KIAA0753: variants seen among roughly 807,000 people sequenced by gnomAD.
The protein encoded by KIAA0753 is protein moonraker.
A neutral mutation model predicts 116.9 loss-of-function variants in KIAA0753; 114 were observed. That is an observed-to-expected ratio of 0.98 (90% confidence interval 0.84 to 1.14). KIAA0753 has a LOEUF of 1.14. Among genes scored for constraint, KIAA0753 ranks in the 50% most tolerant of loss-of-function variants. KIAA0753 has a pLI of 0.00. For synonymous variants in KIAA0753, 405 were observed against 413.1 expected (o/e 0.98, Z 0.24); for missense variants, 1,156 against 1,172.4 (o/e 0.99, Z 0.20).
intron 14 of KIAA0753, 72 bp from the exon 15 acceptor site, chr17:6,596,415 CAG>C: frequency 8.4e-7 from 1 of 1,183,458 alleles, no homozygotes; most frequent in Non-Finnish European, 1.2e-6. Context: ...ATAATGAAAA[CAG>C]AAAAACATAA....
intron 7 of KIAA0753, among the ~76,000 whole-genome samples, chr17:6,615,614 C>CAAAAAAAAAAA (rs60310389): frequency 1.7e-5 from 1 of 58,764 alleles, no homozygotes; most frequent in Admixed American, 2.5e-4. Flanking sequence ...GACTCCGTCT[C>CAAAAAAAAAAA]AAAAAAAAAA....
intron 12 of KIAA0753, among the ~76,000 whole-genome samples, chr17:6,606,622 C>T (rs1970210252): frequency 6.6e-6 from 1 of 152,218 alleles, no homozygotes; most frequent in East Asian, 1.9e-4. Context: ...CAAACAAATA[C>T]ACATAAGACT....
rs572249585 is a variant in KIAA0753, at chr17:6,628,691, C to A, written c.144G>T (p.Ala48=). 1.2e-6 allele frequency: 2 copies of A among 1,613,304 alleles called. No individual in the cohort carries two copies. Among genetic ancestry groups the A allele is most frequent in the South Asian group, 2.2e-5 (2 of 90,820 alleles). Residue 48 remains alanine (A), a synonymous_variant, in exon 3 of 19, where the codon GCG becomes GCT. Transcript: ENST00000361413. The stretch of plus-strand genomic sequence containing the variant: ...TGGCATGTGGGCAAGAATATCGGAT[C>A]GCCAAGTTGCTTGAATGTGTAGGAA... ...RNVPTHSSNL[A]IRYSCPHAIR...
chr17:6,603,289 T>C (rs1969991864), intron 12 of KIAA0753, among the ~76,000 whole-genome samples: 1 of 151,608 alleles, frequency 6.6e-6, no homozygotes, highest in African/African-American at 2.4e-5. Context: ...AAGTACAAAA[T>C]AAAGCACGAA....
chr17:6,613,983 A>G (rs149374701), intron 7 of KIAA0753, among the ~76,000 whole-genome samples: 4 of 152,362 alleles, frequency 2.6e-5, no homozygotes, highest in Admixed American at 2.6e-4. Context: ...CAGACTATAT[A>G]AAGAACTTCT....
Position 6,595,158 on chromosome 17 carries a change from C to T in KIAA0753, c.2359-105G>A, listed in dbSNP as rs78737733. ...GTTCAGCAGACACAACTGATACGGA[C>T]GTACTGCCAGACATGGGCACCTGTC... On this transcript the variant is annotated intron_variant, in intron 15 of 18. Transcript: ENST00000361413. The T allele has an allele frequency of 7.3e-3, 5,345 of 733,216 alleles. 181 individuals are homozygous for T. In the African/African-American group the frequency reaches 0.074, roughly 10 times the overall value. 45.4% of individuals were successfully genotyped at this position (733,216 alleles called of 1,614,324 possible).
chr17:6,584,429 A>G (rs1820622131), intron 18 of KIAA0753, among the ~76,000 whole-genome samples: 1 of 152,166 alleles, frequency 6.6e-6, no homozygotes, highest in Admixed American at 6.5e-5. Flanking sequence ...AGCAGAAGTG[A>G]TTGCCTCGTT....
intron 6 of KIAA0753, among the ~76,000 whole-genome samples, chr17:6,622,439 C>A (rs1263028452): frequency 6.6e-6 from 1 of 152,224 alleles, no homozygotes; most frequent in Non-Finnish European, 1.5e-5. Context: ...TTCTAGACGT[C>A]TCTAGCTATA....
intron 17 of KIAA0753, 26 bp from the exon 18 acceptor site, chr17:6,590,029 G>T: frequency 6.8e-7 from 1 of 1,481,238 alleles, no homozygotes; most frequent in Non-Finnish European, 9.1e-7. Context: ...AATGATGAAA[G>T]CATTCAAGAT....
intron 16 of KIAA0753, among the ~76,000 whole-genome samples, chr17:6,591,817 G>A (rs562765171): frequency 2.6e-5 from 4 of 152,352 alleles, no homozygotes; most frequent in East Asian, 1.9e-4. Flanking sequence ...ATGCTAAAAT[G>A]CCCAAGGGCT....
chr17:6,605,913 C>CTTCTCCCAGAAGTA (rs1970167928), intron 12 of KIAA0753, among the ~76,000 whole-genome samples: 1 of 152,132 alleles, frequency 6.6e-6, no homozygotes, highest in African/African-American at 2.4e-5. Context: ...ATAAACGGGA[C>CTTCTCCCAGAAGTA]ACAGAGGATG....
intron 18 of KIAA0753, among the ~76,000 whole-genome samples, chr17:6,581,922 C>T (rs1035240993): frequency 6.6e-6 from 1 of 152,184 alleles, no homozygotes; most frequent in African/African-American, 2.4e-5. Flanking sequence ...AGCCATTCTT[C>T]CAAGAAGCCC....
chr17:6,580,372 T>C (rs1310410175), intron 18 of KIAA0753, among the ~76,000 whole-genome samples: 1 of 150,014 alleles, frequency 6.7e-6, no homozygotes, highest in Admixed American at 6.6e-5. Context: ...TGGAGTGCAG[T>C]GGCACCATCT....
At chr17:6,580,115 G>C (rs1968035907) in intron 18 of KIAA0753, among the ~76,000 whole-genome samples, 1 of 151,772 alleles carries the variant, frequency 6.6e-6, no homozygotes, top group African/African-American at 2.4e-5. Flanking sequence ...GAACCTGGGA[G>C]GTGGAGATTG....
chr17:6,597,231 T>C (rs1050212953), intron 14 of KIAA0753, among the ~76,000 whole-genome samples: 12 of 152,166 alleles, frequency 7.9e-5, no homozygotes, highest in Non-Finnish European at 2.9e-5. Context: ...AAACCTTTAA[T>C]GATTCACAGA....
intron 13 of KIAA0753, 119 bp from the exon 14 acceptor site, chr17:6,599,439 G>C: frequency 1.5e-6 from 1 of 689,506 alleles, no homozygotes; most frequent in Non-Finnish European, 2.5e-6. Flanking sequence ...AGCTACATTA[G>C]GCTTTTTGCA....
chr17:6,600,432 T>C lies in KIAA0753; in HGVS notation c.2036A>G (p.Lys679Arg). The C allele has an allele frequency of 6.2e-7, 1 of 1,613,828 alleles. No individual in the cohort carries two copies. Among genetic ancestry groups the C allele is most frequent in the South Asian group, 1.1e-5 (1 of 91,078 alleles). ...LSVSATHLAD[K>R]VEEAVLDRLK... ...ACGATCCAGAACTGCCTCCTCTACC[T>C]TGTCTGCTAAGTGGGTGGCAGAAAC... Residue 679 changes from lysine (K) to arginine (R), a missense_variant, in exon 13 of 19, where the codon AAG (lysine) becomes AGG (arginine). By Grantham distance (26) the Lys-to-Arg change is conservative. Coordinates refer to ENST00000361413, the MANE Select transcript of KIAA0753 (RefSeq NM_014804.3).
chr17:6,596,364 G>C, intron 14 of KIAA0753, 21 bp from the exon 15 acceptor site: 1 of 1,595,216 alleles, frequency 6.3e-7, no homozygotes, highest in Non-Finnish European at 8.6e-7. Flanking sequence ...GGGTGGGGTG[G>C]GGAGGAGAGG....
chr17:6,609,843 T>C, intron 9 of KIAA0753, 151 bp downstream of exon 9: 1 of 833,748 alleles, frequency 1.2e-6, no homozygotes, highest in South Asian at 1.9e-5. Context: ...CAAAGACTTC[T>C]CATGTATGAC....
Sources: allele counts gnomAD v4.1 joint callset (sites outside exome capture counted in the v4.1 genomes callset), GRCh38; gene constraint gnomAD v4.1.1; transcripts MANE v1.5; gene names NCBI Gene and HGNC (gene_info 2026-07-23, HGNC 2026-07-21).